The following EPM2A variants were observed in gnomAD, a reference collection of about 807,000 sequenced individuals.
The protein encoded by EPM2A is laforin.
Under a neutral mutation model 26.5 loss-of-function variants are expected in EPM2A, and 21 were observed. The ratio of observed to expected loss-of-function variants is 0.79; its 90% CI spans 0.56 to 1.14. EPM2A has a LOEUF of 1.14. Ranked by LOEUF, EPM2A falls within the 50% of genes most tolerant of loss-of-function variation. EPM2A has a pLI of 0.00. For synonymous variants in EPM2A, 217 were observed against 177.6 expected (o/e 1.22, Z -1.76); for missense variants, 458 against 440.8 (o/e 1.04, Z -0.35).
intron 2 of EPM2A, among the ~76,000 whole-genome samples, chr6:145,537,591 T>C (rs1396545468): frequency 1.3e-5 from 2 of 151,828 alleles, no homozygotes; most frequent in Non-Finnish European, 2.9e-5. Context: ...GTTTTTTTTT[T>C]TTTTTTTTTT....
At chr6:145,557,349 T>C (rs1233071309) in intron 2 of EPM2A, among the ~76,000 whole-genome samples, 3 of 152,024 alleles carry the variant, frequency 2.0e-5, no homozygotes, top group Non-Finnish European at 4.4e-5. Context: ...ACCACCACTA[T>C]GCAATATATC....
chr6:145,639,856 A>C (rs1776961247), intron 2 of EPM2A: 1 of 152,112 alleles, frequency 6.6e-6, no homozygotes, highest in African/African-American at 2.4e-5. Context: ...ACTTTTGTAG[A>C]AAAAAAATTA....
intron 4 of EPM2A, among the ~76,000 whole-genome samples, chr6:145,481,056 G>T (rs1049192678): frequency 1.3e-5 from 2 of 152,030 alleles, no homozygotes; most frequent in African/African-American, 4.8e-5. Flanking sequence ...AAGTTGTGTG[G>T]ACTAATGAAG....
At chr6:145,514,076 T>C (rs900772958) in intron 2 of EPM2A, among the ~76,000 whole-genome samples, 1 of 152,132 alleles carries the variant, frequency 6.6e-6, no homozygotes, top group Non-Finnish European at 1.5e-5. Flanking sequence ...AGCCAAAAAG[T>C]GTCACATATG....
In EPM2A at chr6:145,678,168, A is replaced by G. The variant is rs942991703; in HGVS notation, c.476+7954T>C. The stretch of plus-strand genomic sequence containing the variant: ...ATCATTGACAAACCTGACAAAAGCA[A>G]GAAATGGGGGAAGGATTCCCTATTT... On this transcript the variant is annotated intron_variant, in intron 2 of 3. Coordinates refer to ENST00000367519, the MANE Select transcript of EPM2A (RefSeq NM_005670.4). Among the ~76,000 whole-genome samples, 20 of 152,240 alleles carry G rather than the reference A, an allele frequency of 1.3e-4. 1 individual carries two copies. The highest frequency in any genetic ancestry group is 4.8e-4 in the African/African-American group (20 of 41,462).
intron 2 of EPM2A, among the ~76,000 whole-genome samples, chr6:145,573,866 T>G (rs771973863): frequency 5.3e-5 from 8 of 152,168 alleles, no homozygotes; most frequent in Non-Finnish European, 1.2e-4. Context: ...TTACCTGAGC[T>G]CCATAAGCCC....
chr6:145,511,589 G>A (rs1309879046), intron 2 of EPM2A, among the ~76,000 whole-genome samples: 1 of 152,204 alleles, frequency 6.6e-6, no homozygotes, highest in South Asian at 2.1e-4. Flanking sequence ...ACTAGGCATA[G>A]ACGGAATGTA....
At chr6:145,656,434 ACCCTAGTGGG>A (rs1778289991) in intron 2 of EPM2A, among the ~76,000 whole-genome samples, 1 of 152,186 alleles carries the variant, frequency 6.6e-6, no homozygotes, top group African/African-American at 2.4e-5. Context: ...GAGCACCTAG[ACCCTAGTGGG>A]CCCTGAAACT....
chr6:145,514,351 G>C (rs1780096200), intron 2 of EPM2A, among the ~76,000 whole-genome samples: 1 of 152,098 alleles, frequency 6.6e-6, no homozygotes, highest in Non-Finnish European at 1.5e-5. Context: ...AGGAGAGACA[G>C]ATTATAAGTT....
At chr6:145,427,648 A>G (rs2114689162) in intron 4 of EPM2A, among the ~76,000 whole-genome samples, 1 of 152,326 alleles carries the variant, frequency 6.6e-6, no homozygotes, top group Non-Finnish European at 1.5e-5. Context: ...GAGTGAAAGA[A>G]GACAGTCTAG....
chr6:145,445,843 T>C (rs1234210303), intron 4 of EPM2A, among the ~76,000 whole-genome samples: 1 of 152,238 alleles, frequency 6.6e-6, no homozygotes, highest in Admixed American at 6.5e-5. Context: ...GGGGTCTATG[T>C]CTTCTTCCCT....
chr6:145,490,133 C>G, intron 4 of EPM2A: 1 of 1,122,666 alleles, frequency 8.9e-7, no homozygotes, highest in South Asian at 1.5e-5. Flanking sequence ...GTCACAGGTT[C>G]AGTTTGCACA....
At chr6:145,548,840 G>A (rs537209255) in intron 2 of EPM2A, among the ~76,000 whole-genome samples, 2 of 152,154 alleles carry the variant, frequency 1.3e-5, no homozygotes, top group South Asian at 4.1e-4. Context: ...CTGCACTTTG[G>A]TGGTCTCAGT....
chr6:145,527,251 A>G (rs1311290348), intron 2 of EPM2A, among the ~76,000 whole-genome samples: 2 of 152,132 alleles, frequency 1.3e-5, no homozygotes, highest in South Asian at 2.1e-4. Flanking sequence ...GATGAGAAGA[A>G]TGTATATTCT....
chr6:145,536,774 G>T lies in EPM2A; in HGVS notation c.341-34199C>A, dbSNP rs1330673194. Among the ~76,000 whole-genome samples the T allele has an allele frequency of 3.3e-5, 5 of 152,266 alleles. No homozygotes were observed. The East Asian group carries it at 9.7e-4, about 29-fold the overall frequency. On this transcript the variant is annotated intron_variant, in intron 2 of 3. Coordinates refer to the EPM2A transcript ENST00000450221. ...CCTTCTTGGAACTGTGGAAATAAATGAAAACTAACCAAATGAGAAAAGTAA... is the reference window on the plus strand; with the variant it reads ...CCTTCTTGGAACTGTGGAAATAAATTAAAACTAACCAAATGAGAAAAGTAA...
chr6:145,698,900 C>G (rs1484181259), intron 1 of EPM2A, among the ~76,000 whole-genome samples: 1 of 152,158 alleles, frequency 6.6e-6, no homozygotes, highest in East Asian at 1.9e-4. Context: ...AGGATACAGG[C>G]AGATGGTGGC....
At chr6:145,615,680 T>C (rs1282412980) in intron 2 of EPM2A, among the ~76,000 whole-genome samples, 5 of 152,096 alleles carry the variant, frequency 3.3e-5, no homozygotes, top group African/African-American at 7.2e-5. Context: ...GATAGTGATA[T>C]GGACAATGAA....
intron 2 of EPM2A, among the ~76,000 whole-genome samples, chr6:145,657,412 A>T (rs1778379910): frequency 6.6e-6 from 1 of 152,150 alleles, no homozygotes; most frequent in Non-Finnish European, 1.5e-5. Context: ...TATTTGAAAA[A>T]TTTAATCCTT....
intron 1 of EPM2A, among the ~76,000 whole-genome samples, chr6:145,691,027 A>T (rs1197778930): frequency 6.6e-6 from 1 of 152,048 alleles, no homozygotes; most frequent in Non-Finnish European, 1.5e-5. Context: ...TTAACAGAAG[A>T]TCTAAATTTA....
Sources: allele counts gnomAD v4.1 joint callset (sites outside exome capture counted in the v4.1 genomes callset), GRCh38; gene constraint gnomAD v4.1.1; transcripts MANE v1.5; gene names NCBI Gene and HGNC (gene_info 2026-07-23, HGNC 2026-07-21).